Variants in OR1S1 observed in about 807,000 individuals in gnomAD.
OR1S1 encodes the protein olfactory receptor 1S1.
For missense variants in OR1S1, 411 were observed against 367.5 expected, an observed-to-expected ratio of 1.12 and a Z score of -0.97; for synonymous variants, 156 against 143.9, an observed-to-expected ratio of 1.08 and a Z score of -0.60.
At chr11:58,214,088 G>T (rs1023734485) in intron 1 of OR1S1, among the ~76,000 whole-genome samples, 2 of 150,994 alleles carry the variant, frequency 1.3e-5, no homozygotes, top group African/African-American at 4.8e-5. Flanking sequence ...TGCCATCGTA[G>T]CCTGATCCAG....
At position 58,214,752 on chromosome 11, in the gene OR1S1, C is replaced by T. The variant is rs1198953013; in HGVS notation, c.-32C>T. Reference sequence around the variant, plus strand: ...AGGTTTTCTTGTAGGAATATGAAGACTTTTAGTTCCTTTCTTCAGATCGGC... The same window carrying T: ...AGGTTTTCTTGTAGGAATATGAAGATTTTTAGTTCCTTTCTTCAGATCGGC... On this transcript the variant is annotated 5_prime_UTR_variant, in exon 2 of 2. Transcript: ENST00000641544. 6.8e-6 allele frequency: 11 copies of T among 1,613,316 alleles called. No individual in the cohort carries two copies. The East Asian group carries it at 2.5e-4, about 36-fold the overall frequency.
At chr11:58,214,382 T>A (rs775441767) in intron 1 of OR1S1, among the ~76,000 whole-genome samples, 23 of 152,186 alleles carry the variant, frequency 1.5e-4, no homozygotes, top group Non-Finnish European at 2.9e-4. Flanking sequence ...TTTCTTAGAT[T>A]TAAAGGATAA....
At chr11:58,215,577 C>T in exon 2 of OR1S1, 2 of 1,614,118 alleles carry the variant, frequency 1.2e-6, no homozygotes, top group Non-Finnish European at 1.7e-6. Context: ...CCCTCCTCCA[C>T]TCACCCTGAG....
In OR1S1 at chr11:58,214,633, T is replaced by C. The variant is rs139944414; in HGVS notation, c.-55-96T>C. 3.7e-3 allele frequency: 3,411 copies of C among 913,574 alleles called. 98 individuals are homozygous for C. The African/African-American group carries it at 0.051, about 14-fold the overall frequency. 56.6% of individuals were successfully genotyped at this position (913,574 alleles called of 1,614,324 possible). A position where few individuals can be genotyped will look rare whatever the true frequency, so the allele number is the denominator to read the frequency against. On this transcript the variant is annotated intron_variant, in intron 1 of 1. Coordinates refer to ENST00000641544, the Ensembl canonical transcript of OR1S1. ...TTTCCAAATCTCTGCACTGCTGAAA[T>C]ACTTCCTTATTAAGTAGCACTTCCA...
In OR1S1 at chr11:58,215,470, T is replaced by A. The variant is rs767912132; in HGVS notation, c.687T>A (p.Ser229=). The change falls in exon 2 of 2, where the codon TCT becomes TCA. Residue 229 remains serine, a synonymous_variant. Coordinates refer to ENST00000641544, the Ensembl canonical transcript of OR1S1. The stretch of plus-strand genomic sequence containing the variant: ...TCATCAGAGCTGTCCTGAGAGTATC[T>A]TCCACACAGGGAAAGTGGAAAGCCT... The A allele has an allele frequency of 3.7e-5, 60 of 1,613,974 alleles. No homozygotes were observed. The Admixed American group carries it at 4.5e-4, about 12-fold the overall frequency.
chr11:58,215,442 G>A, exon 2 of OR1S1: 1 of 1,614,106 alleles, frequency 6.2e-7, no homozygotes, highest in East Asian at 2.2e-5. Flanking sequence ...TCCTATGTCT[G>A]CATCATCAGA....
At chr11:58,214,807 C>T in exon 2 of OR1S1, 1 of 1,613,972 alleles carries the variant, frequency 6.2e-7, no homozygotes, top group Non-Finnish European at 8.5e-7. Context: ...ACCAAACCAC[C>T]ATCACTGAAT....
Position 58,214,959 on chromosome 11 carries a change from T to C in OR1S1, c.176T>C (p.Met59Thr), listed in dbSNP as rs943150322. The C allele has an allele frequency of 1.1e-5, 18 of 1,614,036 alleles. No homozygotes were observed. The highest frequency in any genetic ancestry group is 1.4e-5 in the Non-Finnish European group (17 of 1,180,020). The change falls in exon 2 of 2, where the codon ATG (methionine) becomes ACG (threonine). Residue 59 changes from methionine (M) to threonine (T), a missense_variant. Met to Thr is a moderately conservative substitution (Grantham distance 81). Transcript: ENST00000641544. ...TTGGATACGTACCTTCATACCCCCA[T>C]GTATCTCTTCCTTGCCAATCTATCC...
At position 58,214,716 on chromosome 11, in the gene OR1S1, G is replaced by A. The variant is rs771725705; in HGVS notation, c.-55-13G>A. ...CTTACTGCAATGGCTGCAGCCAAATGATACCATGTTAGGTTTTCTTGTAGG... is the reference window on the plus strand; with the variant it reads ...CTTACTGCAATGGCTGCAGCCAAATAATACCATGTTAGGTTTTCTTGTAGG... On this transcript the variant is annotated splice_polypyrimidine_tract_variant and intron_variant, in intron 1 of 1. Coordinates refer to ENST00000641544, the Ensembl canonical transcript of OR1S1. The A allele has an allele frequency of 1.2e-6, 2 of 1,600,800 alleles. No individual in the cohort carries two copies. The highest frequency in any genetic ancestry group is 4.5e-5 in the East Asian group (2 of 44,752).
At chr11:58,214,230 A>G (rs1590642610) in intron 1 of OR1S1, among the ~76,000 whole-genome samples, 2 of 152,264 alleles carry the variant, frequency 1.3e-5, no homozygotes, top group South Asian at 4.1e-4. Flanking sequence ...TCATTCTCCA[A>G]AAGCACTTGT....
exon 2 of OR1S1, chr11:58,215,295 A>G (rs769922192): frequency 6.2e-7 from 1 of 1,613,292 alleles, no homozygotes; most frequent in East Asian, 2.2e-5. Context: ...TTCTGTAACC[A>G]CAACACTCTC....
exon 2 of OR1S1, chr11:58,215,424 G>A (rs2903566): frequency 6.2e-7 from 1 of 1,613,764 alleles, no homozygotes; most frequent in South Asian, 1.1e-5. Context: ...TTTACACTCA[G>A]CTTCTTTTCC....
rs766246736 is a variant in OR1S1 at position 58,215,222 on chromosome 11, A to T, written c.439A>T (p.Ile147Phe). The change falls in exon 2 of 2, where the codon ATC (isoleucine) becomes TTC (phenylalanine). Residue 147 changes from isoleucine to phenylalanine, a missense_variant. Transcript: ENST00000641544. Reference sequence around the variant, plus strand: ...CAGGTTCGGCATTTTGCTCACAGTCATCTCATGGTTCCTCAGTAATATTAT... The same window carrying T: ...CAGGTTCGGCATTTTGCTCACAGTCTTCTCATGGTTCCTCAGTAATATTAT... 1.2e-5 allele frequency: 20 copies of T among 1,613,932 alleles called. 2 individuals are homozygous for T. The South Asian group carries it at 2.2e-4, about 18-fold the overall frequency.
At chr11:58,214,828 G>T (rs139788490) in exon 2 of OR1S1, 221 of 1,614,038 alleles carry the variant, frequency 1.4e-4, no homozygotes, top group Admixed American at 3.7e-4. Context: ...TCATTCTCCT[G>T]GGATTTTTCA....
At chr11:58,215,681 G>A in exon 2 of OR1S1, 1 of 1,613,620 alleles carries the variant, frequency 6.2e-7, no homozygotes, top group East Asian at 2.2e-5. Flanking sequence ...TATGAAAGGT[G>A]CCCTGAGAAA....
chr11:58,215,262 C>T (rs376847497), exon 2 of OR1S1: 1 of 1,613,578 alleles, frequency 6.2e-7, no homozygotes, highest in Non-Finnish European at 8.5e-7. Context: ...CTGACACACA[C>T]CCTTCTGCTC....
At chr11:58,214,685 A>T in intron 1 of OR1S1, 44 bp from the exon 2 acceptor site, 3 of 1,481,540 alleles carry the variant, frequency 2.0e-6, no homozygotes, top group Non-Finnish European at 2.8e-6. Flanking sequence ...AACTTTATTC[A>T]AGTGACTTAC....
intron 1 of OR1S1, 122 bp downstream of exon 1, chr11:58,212,959 T>G (rs1854974601): frequency 6.6e-6 from 1 of 152,256 alleles, no homozygotes; most frequent in Non-Finnish European, 1.5e-5. Flanking sequence ...GTCTGTATCT[T>G]CAATATAGAT....
At chr11:58,215,180 A>T in exon 2 of OR1S1, 2 of 1,614,088 alleles carry the variant, frequency 1.2e-6, no homozygotes, top group South Asian at 2.2e-5. Flanking sequence ...TCTGAATTAT[A>T]CAATTCTCAT....
Sources: gnomAD v4.1 joint callset for allele counts (sites outside exome capture counted in the v4.1 genomes callset) on GRCh38, gnomAD v4.1.1 for gene constraint, MANE v1.5 for transcripts, NCBI Gene and HGNC (gene_info 2026-07-23, HGNC 2026-07-21) for gene names.